The following XPO4 variants were observed in gnomAD, a reference collection of about 807,000 sequenced individuals.
XPO4 encodes exportin-4.
In XPO4, 39 loss-of-function variants were observed where a neutral mutation model predicts 143.0. The ratio of observed to expected loss-of-function variants is 0.27; its 90% CI spans 0.21 to 0.36. The LOEUF (loss-of-function observed/expected upper bound fraction) is 0.36, where lower values mean the gene tolerates loss of function less well. Among genes scored for constraint, XPO4 ranks in the 10% least tolerant of loss-of-function variants. The pLI, the probability that XPO4 is intolerant of heterozygous loss-of-function variation, is 1.00. For missense variants in XPO4, 907 were observed against 1,348.0 expected (o/e 0.67, Z 5.12); for synonymous variants, 439 against 474.0 (o/e 0.93, Z 0.96).
At chr13:20,855,843 G>A (rs762174507) in intron 3 of XPO4, 78 bp from the exon 4 acceptor site, 200 of 1,390,388 alleles carry the variant, frequency 1.4e-4, no homozygotes, top group Non-Finnish European at 1.8e-4. Flanking sequence ...CTCTATGCCT[G>A]AAGCTACTAA....
chr13:20,829,642 CAGAAGCAAAGGGAATCA>C (rs1261262390), intron 6 of XPO4, among the ~76,000 whole-genome samples: 15 of 152,070 alleles, frequency 9.9e-5, no homozygotes, highest in African/African-American at 2.7e-4. Flanking sequence ...ATACAGGTGG[CAGAAGCAAAGGGAATCA>C]TATTTATAAA....
intron 1 of XPO4, among the ~76,000 whole-genome samples, chr13:20,901,091 G>A (rs1258523071): frequency 6.6e-6 from 1 of 152,106 alleles, no homozygotes; most frequent in Non-Finnish European, 1.5e-5. Context: ...TTTAGTAATC[G>A]TGTAACCCGG....
intron 13 of XPO4, among the ~76,000 whole-genome samples, chr13:20,805,347 C>T (rs1046113803): frequency 6.6e-6 from 1 of 152,150 alleles, no homozygotes; most frequent in Non-Finnish European, 1.5e-5. Context: ...AGAACAAAAG[C>T]CAAAGATGTT....
intron 2 of XPO4, chr13:20,863,177 G>C: frequency 1.0e-6 from 1 of 967,496 alleles, no homozygotes; most frequent in Non-Finnish European, 1.2e-6. Context: ...AAAGCAATCA[G>C]AAAATTTCCT....
At chr13:20,829,945 C>A (rs188634595) in intron 6 of XPO4, among the ~76,000 whole-genome samples, 1 of 152,250 alleles carries the variant, frequency 6.6e-6, no homozygotes, top group Admixed American at 6.5e-5. Flanking sequence ...AGCATATACT[C>A]TATTAATACT....
rs368385013 is a variant in XPO4, at chr13:20,809,783, A to T, written c.1350+8T>A. ...AGACTGTTAATTACCATCTTGCTTA[A>T]AACTCACCAAATTTCTTGTGCCATC... On this transcript the variant is annotated splice_region_variant and intron_variant, in intron 10 of 22. Transcript: ENST00000255305. 52 of 1,601,598 alleles carry T rather than the reference A, an allele frequency of 3.2e-5. No homozygotes were observed. In the African/African-American group the frequency reaches 5.8e-4, roughly 18 times the overall value.
intron 9 of XPO4, among the ~76,000 whole-genome samples, chr13:20,819,536 T>C (rs2059692713): frequency 1.3e-5 from 2 of 152,056 alleles, no homozygotes; most frequent in South Asian, 2.1e-4. Context: ...GGCGCATGCC[T>C]GTAATCCCAG....
chr13:20,899,184 T>C (rs74036472), intron 1 of XPO4, among the ~76,000 whole-genome samples: 3,197 of 152,136 alleles, frequency 0.021, 89 homozygotes, highest in Middle Eastern at 0.075. Flanking sequence ...TAACCTCTCA[T>C]GGACACCGAG....
intron 6 of XPO4, among the ~76,000 whole-genome samples, chr13:20,828,524 T>G (rs541995262): frequency 4.5e-4 from 68 of 152,314 alleles, no homozygotes; most frequent in African/African-American, 1.3e-3. Context: ...TAACCCCTTT[T>G]AAAATAGCTA....
Position 20,864,218 on chromosome 13 carries a change from C to T in XPO4, c.176-1360G>A, listed in dbSNP as rs563547547. 9.5e-4 allele frequency among the ~76,000 whole-genome samples: 142 copies of T among 150,256 alleles called. 3 individuals are homozygous for T. The South Asian group carries it at 0.026, about 28-fold the overall frequency. ...CCTATTAGAAAAGATGTGTTTAAAA[C>T]TCTAGGAGTTAAAAAAAAAGGGGGA... On this transcript the variant is annotated intron_variant, in intron 2 of 22. Coordinates refer to ENST00000255305, the MANE Select transcript of XPO4 (RefSeq NM_022459.5).
rs747988299 is a variant in XPO4 at position 20,862,699 on chromosome 13, C to T, written c.317+18G>A. On this transcript the variant is annotated intron_variant, in intron 3 of 22. Transcript: ENST00000255305. ...AGCTCAGCAAAAGTATTTCAGCAGT[C>T]CCCCTCCATGTACTTACTTGGGCCT... is the stretch of plus-strand genomic sequence containing the variant. 1 of 1,613,612 alleles carries T rather than the reference C, an allele frequency of 6.2e-7. No homozygotes were observed. The highest frequency in any genetic ancestry group is 8.5e-7 in the Non-Finnish European group (1 of 1,179,748).
intron 1 of XPO4, among the ~76,000 whole-genome samples, chr13:20,881,752 T>G (rs2060412302): frequency 6.6e-6 from 1 of 152,054 alleles, no homozygotes; most frequent in Admixed American, 6.6e-5. Flanking sequence ...GTTAATATAC[T>G]TCAATAAAAT....
At chr13:20,848,426 C>T (rs2060049180) in intron 4 of XPO4, 49 of 985,174 alleles carry the variant, frequency 5.0e-5, no homozygotes, top group Non-Finnish European at 5.9e-5. Flanking sequence ...CCACCCTCTG[C>T]CATACCTAAT....
Position 20,808,666 on chromosome 13 carries a change from T to C in XPO4, c.1494-85A>G, listed in dbSNP as rs1277019884. On this transcript the variant is annotated intron_variant, in intron 11 of 22. Transcript: ENST00000255305. ...TACAACTTCCATATATTAGACAACA[T>C]GAATTGAATGTTAGCGTAAAAACAC... is the stretch of plus-strand genomic sequence containing the variant. 5 of 1,185,260 alleles carry C rather than the reference T, an allele frequency of 4.2e-6. No individual in the cohort carries two copies. In the South Asian group the frequency reaches 6.8e-5, roughly 16 times the overall value. 73.4% of individuals were successfully genotyped at this position (1,185,260 alleles called of 1,614,324 possible).
intron 1 of XPO4, among the ~76,000 whole-genome samples, chr13:20,873,673 C>T (rs866832172): frequency 2.1e-4 from 32 of 152,276 alleles, no homozygotes; most frequent in African/African-American, 5.8e-4. Flanking sequence ...CTCTGTTACC[C>T]AGGCTGGAGT....
intron 1 of XPO4, among the ~76,000 whole-genome samples, chr13:20,881,310 C>A (rs2060407592): frequency 6.6e-6 from 1 of 152,000 alleles, no homozygotes; most frequent in South Asian, 2.1e-4. Flanking sequence ...GCTCTGTCGC[C>A]CAGGCTGGAG....
chr13:20,814,192 C>CAAA (rs35203359), intron 9 of XPO4, among the ~76,000 whole-genome samples: 18 of 97,944 alleles, frequency 1.8e-4, no homozygotes, highest in Non-Finnish European at 3.0e-4. Flanking sequence ...ACCCAGTCTC[C>CAAA]AAAAAAAAAA....
chr13:20,880,024 C>A (rs1032358957), intron 1 of XPO4, among the ~76,000 whole-genome samples: 2 of 152,210 alleles, frequency 1.3e-5, no homozygotes, highest in African/African-American at 4.8e-5. Flanking sequence ...GACATCACCT[C>A]ACATCCATGA....
chr13:20,901,892 C>T lies in XPO4; in HGVS notation c.69+778G>A, dbSNP rs547785354. Among the ~76,000 whole-genome samples, 3 of 152,356 alleles carry T rather than the reference C, an allele frequency of 2.0e-5. No homozygotes were observed. The East Asian group carries it at 5.8e-4, about 29-fold the overall frequency. On this transcript the variant is annotated intron_variant, in intron 1 of 22. Coordinates refer to ENST00000255305, the MANE Select transcript of XPO4 (RefSeq NM_022459.5). ...AGCCAGCAAATAGAAACACTGTTTACTAACTGAACGTAGTTTATCCTTACT... is the reference window on the plus strand; with the variant it reads ...AGCCAGCAAATAGAAACACTGTTTATTAACTGAACGTAGTTTATCCTTACT...
Sources: gnomAD v4.1 joint callset for allele counts (sites outside exome capture counted in the v4.1 genomes callset) on GRCh38, gnomAD v4.1.1 for gene constraint, MANE v1.5 for transcripts, NCBI Gene and HGNC (gene_info 2026-07-23, HGNC 2026-07-21) for gene names.